Variants in SKAP2 observed in about 807,000 individuals in gnomAD.
SKAP2 encodes the protein src kinase-associated phosphoprotein 2.
In SKAP2, 28 loss-of-function variants were observed where a neutral mutation model predicts 54.9. The observed-to-expected ratio is 0.51, with a 90% CI of 0.38 to 0.70. SKAP2 has a LOEUF of 0.70. SKAP2 is among the 30% of genes least tolerant of loss of function. The pLI is 0.00. For synonymous variants in SKAP2, 137 were observed against 134.3 expected (o/e 1.02, Z -0.14); for missense variants, 356 against 424.1 (o/e 0.84, Z 1.41).
chr7:26,671,582 T>C (rs894566310), intron 11 of SKAP2, among the ~76,000 whole-genome samples: 1 of 152,200 alleles, frequency 6.6e-6, no homozygotes, highest in South Asian at 2.1e-4. Context: ...ATTAGGTTTA[T>C]TGGAAGAACA....
intron 9 of SKAP2, among the ~76,000 whole-genome samples, chr7:26,720,149 T>C (rs934780195): frequency 1.3e-5 from 2 of 151,730 alleles, no homozygotes; most frequent in African/African-American, 4.9e-5. Context: ...TACTCTGGGG[T>C]CAATATCTTC....
intron 9 of SKAP2, among the ~76,000 whole-genome samples, chr7:26,702,069 C>T (rs1030139187): frequency 7.9e-5 from 12 of 152,162 alleles, no homozygotes; most frequent in African/African-American, 2.9e-4. Context: ...TAAAAGTGGA[C>T]ACCGTATCAG....
chr7:26,741,391 C>CGT (rs1562593823), intron 4 of SKAP2, among the ~76,000 whole-genome samples: 1 of 151,226 alleles, frequency 6.6e-6, no homozygotes, highest in Non-Finnish European at 1.5e-5. Flanking sequence ...GTGGTATACG[C>CGT]GCCTGCAGTC....
chr7:26,703,588 A>C lies in SKAP2; in HGVS notation c.797-13226T>G, dbSNP rs112837220. Among the ~76,000 whole-genome samples the C allele has an allele frequency of 1.9e-3, 292 of 152,322 alleles. 2 individuals carry two copies. Among genetic ancestry groups the C allele is most frequent in the African/African-American group, 6.7e-3 (277 of 41,572 alleles). The stretch of plus-strand genomic sequence containing the variant: ...TTTCACTAGCTATACAAACTTAGAC[A>C]AGTTAATTAAACTCTCTGAACCTCA... On this transcript the variant is annotated intron_variant, in intron 9 of 12. Coordinates refer to ENST00000345317, the MANE Select transcript of SKAP2 (RefSeq NM_003930.5).
At chr7:26,824,300 A>T (rs1461026886) in intron 4 of SKAP2, among the ~76,000 whole-genome samples, 1 of 152,220 alleles carries the variant, frequency 6.6e-6, no homozygotes, top group Non-Finnish European at 1.5e-5. Context: ...TTTTGTAGAC[A>T]TAATGCACAC....
Position 26,773,286 on chromosome 7 carries a change from T to C in SKAP2, c.308-33322A>G, listed in dbSNP as rs564307708. ...TCTTCCTATCTCTCCATTGAGGATATAAAGGTGAAAACCTTCTTTTTTCCC... is the reference window on the plus strand; with the variant it reads ...TCTTCCTATCTCTCCATTGAGGATACAAAGGTGAAAACCTTCTTTTTTCCC... On this transcript the variant is annotated intron_variant, in intron 4 of 12. Coordinates refer to ENST00000345317, the MANE Select transcript of SKAP2 (RefSeq NM_003930.5). 2.0e-5 allele frequency among the ~76,000 whole-genome samples: 3 copies of C among 152,366 alleles called. 1 individual carries two copies. The highest frequency in any genetic ancestry group is 4.1e-4 in the South Asian group (2 of 4,834).
intron 9 of SKAP2, among the ~76,000 whole-genome samples, chr7:26,697,068 C>T (rs918199435): frequency 6.6e-6 from 1 of 152,074 alleles, no homozygotes; most frequent in African/African-American, 2.4e-5. Flanking sequence ...GAAAAAAAAT[C>T]TTAGAAGGGA....
intron 4 of SKAP2, among the ~76,000 whole-genome samples, chr7:26,829,035 AT>A (rs773213968): frequency 5.3e-5 from 8 of 152,212 alleles, no homozygotes; most frequent in Non-Finnish European, 1.2e-4. Flanking sequence ...TCTCAAAAAA[AT>A]AAATAAATAA....
chr7:26,814,179 G>C (rs946872691), intron 4 of SKAP2, among the ~76,000 whole-genome samples: 1 of 152,130 alleles, frequency 6.6e-6, no homozygotes, highest in African/African-American at 2.4e-5. Flanking sequence ...GAAACTGTGA[G>C]AACATGAATC....
At chr7:26,813,217 G>T (rs1330126028) in intron 4 of SKAP2, among the ~76,000 whole-genome samples, 1 of 152,094 alleles carries the variant, frequency 6.6e-6, no homozygotes, top group Non-Finnish European at 1.5e-5. Flanking sequence ...AGTCAGAATT[G>T]ATTTTCTATC....
chr7:26,791,402 C>T (rs919890030), intron 4 of SKAP2, among the ~76,000 whole-genome samples: 3 of 151,928 alleles, frequency 2.0e-5, no homozygotes, highest in African/African-American at 7.3e-5. Context: ...TCTTGTACTC[C>T]TGGGCTCAAG....
chr7:26,716,089 CTA>C (rs1328975768), intron 9 of SKAP2, among the ~76,000 whole-genome samples: 1 of 152,136 alleles, frequency 6.6e-6, no homozygotes, highest in East Asian at 1.9e-4. Flanking sequence ...TATGATTATT[CTA>C]TGTGTACTGA....
intron 6 of SKAP2, among the ~76,000 whole-genome samples, chr7:26,737,371 T>C (rs929494602): frequency 2.0e-5 from 3 of 152,218 alleles, no homozygotes; most frequent in African/African-American, 7.2e-5. Flanking sequence ...ACTGATGCCA[T>C]TACTACATCT....
chr7:26,788,182 T>C (rs1361820350), intron 4 of SKAP2, among the ~76,000 whole-genome samples: 4 of 152,292 alleles, frequency 2.6e-5, no homozygotes, highest in Middle Eastern at 3.4e-3. Context: ...ATAAAATACA[T>C]TGAAGATGTT....
intron 1 of SKAP2, among the ~76,000 whole-genome samples, chr7:26,861,020 C>A (rs1026735329): frequency 6.6e-6 from 1 of 151,870 alleles, no homozygotes; most frequent in Non-Finnish European, 1.5e-5. Flanking sequence ...CTTCTTTTAA[C>A]AATGGTTTCA....
At chr7:26,671,493 T>C (rs1786237378) in intron 11 of SKAP2, among the ~76,000 whole-genome samples, 1 of 152,060 alleles carries the variant, frequency 6.6e-6, no homozygotes, top group South Asian at 2.1e-4. Context: ...AGCGTGTATG[T>C]ATTGATATGT....
intron 10 of SKAP2, among the ~76,000 whole-genome samples, chr7:26,686,738 TGTCA>T (rs755498398): frequency 6.6e-6 from 1 of 152,196 alleles, no homozygotes; most frequent in Non-Finnish European, 1.5e-5. Context: ...CCTTGCAGTC[TGTCA>T]GTGTCAGTTT....
intron 10 of SKAP2, among the ~76,000 whole-genome samples, chr7:26,685,632 A>C (rs1786620366): frequency 6.6e-6 from 1 of 152,198 alleles, no homozygotes; most frequent in Non-Finnish European, 1.5e-5. Flanking sequence ...GATGTGCTCA[A>C]ACTGCCATAC....
intron 3 of SKAP2, among the ~76,000 whole-genome samples, chr7:26,853,599 A>G (rs1189439517): frequency 1.3e-5 from 2 of 152,158 alleles, no homozygotes; most frequent in East Asian, 3.8e-4. Flanking sequence ...TATGGCCCCT[A>G]TGTATTCATA....
Sources: gnomAD v4.1 joint callset for allele counts (sites outside exome capture counted in the v4.1 genomes callset) on GRCh38, gnomAD v4.1.1 for gene constraint, MANE v1.5 for transcripts, NCBI Gene and HGNC (gene_info 2026-07-23, HGNC 2026-07-21) for gene names.